Variants in ARHGEF4 observed in about 807,000 individuals in gnomAD.
ARHGEF4 encodes the protein Rho guanine nucleotide exchange factor 4, also known as APC-stimulated guanine nucleotide exchange factor 1.
In ARHGEF4, 119 loss-of-function variants were observed where a neutral mutation model predicts 162.0. The observed-to-expected ratio is 0.73, with a 90% CI of 0.63 to 0.86. The LOEUF is 0.86. ARHGEF4 is among the 40% of genes least tolerant of loss of function. The probability of loss-of-function intolerance (pLI) is 0.00; values close to 1 mark genes in which losing one functional copy is unlikely to be tolerated. For missense variants in ARHGEF4, 2,488 were observed against 2,456.0 expected (o/e 1.01, Z -0.28); for synonymous variants, 1,014 against 979.9 (o/e 1.03, Z -0.65).
At chr2:130,851,494 C>T (rs1275933477) in intron 1 of ARHGEF4, among the ~76,000 whole-genome samples, 1 of 152,224 alleles carries the variant, frequency 6.6e-6, no homozygotes, top group Non-Finnish European at 1.5e-5. Context: ...GAGTTTGCTG[C>T]ACTGCCGAGG....
At chr2:130,840,686 G>C (rs1158462175) in intron 1 of ARHGEF4, among the ~76,000 whole-genome samples, 2 of 152,162 alleles carry the variant, frequency 1.3e-5, no homozygotes, top group African/African-American at 4.8e-5. Context: ...CTGCCACGAG[G>C]TGGATGCAGG....
Position 130,915,246 on chromosome 2 carries a change from A to T in ARHGEF4, c.1300A>T (p.Arg434Trp), listed in dbSNP as rs1681410011. 1 of 1,550,510 alleles carries T rather than the reference A, an allele frequency of 6.4e-7. No homozygotes were observed. Among genetic ancestry groups the T allele is most frequent in the African/African-American group, 1.4e-5 (1 of 73,052 alleles). The change falls in exon 2 of 14, where the codon AGG (arginine) becomes TGG (tryptophan). Residue 434 changes from arginine (R) to tryptophan (W), a missense_variant. This residue lies in a region of ARHGEF4 where 1,642 missense variants were observed against 1,481.5 expected (regional missense o/e 1.11). Coordinates refer to ENST00000409359, the MANE Select transcript of ARHGEF4 (RefSeq NM_001367493.1). ...LGENQLRQDS[R>W]SCLVASCLTS... ...GGAAAACCAGTTAAGACAGGATTCCAGGTCATGTCTGGTGGCTTCATGCCT... is the reference window on the plus strand; with the variant it reads ...GGAAAACCAGTTAAGACAGGATTCCTGGTCATGTCTGGTGGCTTCATGCCT...
At chr2:130,889,199 A>G (rs1444574378) in intron 1 of ARHGEF4, among the ~76,000 whole-genome samples, 4 of 152,118 alleles carry the variant, frequency 2.6e-5, no homozygotes, top group Non-Finnish European at 5.9e-5. Flanking sequence ...TTACCAAATT[A>G]TACAGTGAAT....
intron 1 of ARHGEF4, among the ~76,000 whole-genome samples, chr2:130,899,261 G>A (rs1457209846): frequency 6.6e-6 from 1 of 152,184 alleles, no homozygotes; most frequent in Non-Finnish European, 1.5e-5. Flanking sequence ...GGTTATGGAG[G>A]CCAAAATTCT....
chr2:131,039,819 C>T (rs932036660), intron 6 of ARHGEF4, 197 bp from the exon 7 acceptor site: 26 of 1,409,414 alleles, frequency 1.8e-5, no homozygotes, highest in East Asian at 2.7e-5. Flanking sequence ...ACGGCGGCTG[C>T]GGGCGTCGGA....
chr2:130,913,922 G>A, intron 1 of ARHGEF4, 64 bp from the exon 2 acceptor site: 1 of 1,519,392 alleles, frequency 6.6e-7, no homozygotes, highest in South Asian at 1.2e-5. Context: ...GGCAGGCACG[G>A]TGTAAACATG....
Position 130,914,672 on chromosome 2 carries a change from A to G in ARHGEF4, c.726A>G (p.Pro242=). Residue 242 remains proline (P), a synonymous_variant, in exon 2 of 14, where the codon CCA becomes CCG. Transcript: ENST00000409359. ...LWCCELGRSW[P]HIHNRARALV... ...GCTGTGAACTGGGTCGGAGTTGGCC[A>G]CATATCCACAACAGGGCCAGGGCAC... 7.2e-7 allele frequency: 1 copy of G among 1,389,368 alleles called. No homozygotes were observed. The allele number at this position is 1,389,368 out of a possible 1,614,324, so 86.1% of individuals were successfully genotyped here.
chr2:130,931,480 C>T (rs1007598120), intron 3 of ARHGEF4, among the ~76,000 whole-genome samples: 2 of 152,190 alleles, frequency 1.3e-5, no homozygotes, highest in Admixed American at 1.3e-4. Context: ...CCACAGAAGC[C>T]AGGGCCCCCT....
intron 4 of ARHGEF4, among the ~76,000 whole-genome samples, chr2:130,988,901 T>TATATATATAGAGAGAGAG (rs1469212068): frequency 8.8e-5 from 10 of 113,384 alleles, no homozygotes; most frequent in East Asian, 5.7e-4. Flanking sequence ...TATATATATA[T>TATATATATAGAGAGAGAG]AGAGAGAGAG....
At chr2:130,948,025 G>A (rs1236725913) in intron 4 of ARHGEF4, among the ~76,000 whole-genome samples, 1 of 152,248 alleles carries the variant, frequency 6.6e-6, no homozygotes. Context: ...GAGCGAGCTG[G>A]CAGTGGAGGC....
intron 4 of ARHGEF4, among the ~76,000 whole-genome samples, chr2:131,019,051 T>G (rs1223376475): frequency 6.6e-6 from 1 of 152,182 alleles, no homozygotes; most frequent in Non-Finnish European, 1.5e-5. Context: ...TCAAAATAAT[T>G]TTGGCTAGTC....
intron 4 of ARHGEF4, among the ~76,000 whole-genome samples, chr2:130,989,229 G>T: frequency 6.6e-6 from 1 of 152,136 alleles, no homozygotes. Context: ...CCAAAGTGCT[G>T]TGATTACAGG....
At chr2:130,975,614 G>C (rs115364629) in intron 4 of ARHGEF4, among the ~76,000 whole-genome samples, 1 of 152,114 alleles carries the variant, frequency 6.6e-6, no homozygotes, top group East Asian at 1.9e-4. Context: ...CCTGCCTCCA[G>C]TCCCACCTGT....
chr2:131,034,815 T>G (rs1376874612), intron 5 of ARHGEF4: 1 of 192,908 alleles, frequency 5.2e-6, no homozygotes. Flanking sequence ...TCCAAGGAGG[T>G]GCCAAGGGCG....
chr2:130,982,517 C>T (rs546799004), intron 4 of ARHGEF4, among the ~76,000 whole-genome samples: 41 of 152,216 alleles, frequency 2.7e-4, no homozygotes, highest in Admixed American at 9.2e-4. Context: ...CATGCCTGGG[C>T]TTTCTGTTCA....
At chr2:130,923,544 C>T (rs1009788966) in intron 2 of ARHGEF4, among the ~76,000 whole-genome samples, 2 of 152,182 alleles carry the variant, frequency 1.3e-5, no homozygotes, top group African/African-American at 2.4e-5. Flanking sequence ...CACTTGTGGG[C>T]GGGCAATGTT....
At chr2:130,899,247 T>G (rs2105010396) in intron 1 of ARHGEF4, among the ~76,000 whole-genome samples, 1 of 152,096 alleles carries the variant, frequency 6.6e-6, no homozygotes, top group South Asian at 2.1e-4. Flanking sequence ...ACCAGGAGGG[T>G]GAAGGTTATG....
At chr2:131,045,931 G>A (rs983129094) in intron 13 of ARHGEF4, 107 bp from the exon 14 acceptor site, 26 of 1,502,270 alleles carry the variant, frequency 1.7e-5, no homozygotes, top group African/African-American at 5.6e-5. Flanking sequence ...TGCCTCCTAC[G>A]GCGGCTCTGA....
chr2:130,987,970 C>T (rs1686633684), intron 4 of ARHGEF4, among the ~76,000 whole-genome samples: 1 of 152,158 alleles, frequency 6.6e-6, no homozygotes, highest in South Asian at 2.1e-4. Context: ...GACAGACTGA[C>T]AGGTGACCTA....
Sources: gnomAD v4.1 joint callset for allele counts (sites outside exome capture counted in the v4.1 genomes callset) on GRCh38, gnomAD v4.1.1 for gene constraint, gnomAD v4.1.1 regional missense constraint, MANE v1.5 for transcripts, NCBI Gene and HGNC (gene_info 2026-07-23, HGNC 2026-07-21) for gene names.